Variants in MAPK14 observed in about 807,000 individuals in gnomAD.
MAPK14 encodes mitogen-activated protein kinase 14.
Under a neutral mutation model 49.6 loss-of-function variants are expected in MAPK14, and 16 were observed. That is an observed-to-expected ratio of 0.32 (90% CI 0.22 to 0.49). The LOEUF is 0.49. Among genes scored for constraint, MAPK14 ranks in the 20% least tolerant of loss-of-function variants. The pLI is 0.99. For missense variants in MAPK14, 200 were observed against 441.2 expected (o/e 0.45, Z 4.90); for synonymous variants, 142 against 158.0 (o/e 0.90, Z 0.76).
intron 1 of MAPK14, among the ~76,000 whole-genome samples, chr6:36,042,131 CTTG>C (rs1456420894): frequency 3.3e-5 from 5 of 152,178 alleles, no homozygotes; most frequent in African/African-American, 9.7e-5. Flanking sequence ...GGTTCTCATT[CTTG>C]TTGTGCTTCA....
intron 8 of MAPK14, among the ~76,000 whole-genome samples, chr6:36,083,616 C>T (rs1420796442): frequency 1.3e-5 from 2 of 152,202 alleles, no homozygotes; most frequent in Non-Finnish European, 2.9e-5. Flanking sequence ...TTAGGCTGAA[C>T]TCTGACTCAT....
chr6:36,063,823 T>C (rs1763928162), intron 3 of MAPK14, among the ~76,000 whole-genome samples: 1 of 152,188 alleles, frequency 6.6e-6, no homozygotes, highest in Admixed American at 6.5e-5. Context: ...AGGATGTGGT[T>C]GTACAGATGG....
intron 1 of MAPK14, among the ~76,000 whole-genome samples, chr6:36,044,395 C>T (rs1386067018): frequency 6.6e-6 from 1 of 151,728 alleles, no homozygotes; most frequent in East Asian, 2.0e-4. Context: ...GTCGTTTGTA[C>T]TTTAATACTC....
chr6:36,118,814 C>T, the MAPK14 span, among the ~76,000 whole-genome samples: 3 of 152,242 alleles, frequency 2.0e-5, no homozygotes, highest in South Asian at 2.1e-4. Context: ...GGCAAACAGC[C>T]GAGTGGCTGC....
intron 2 of MAPK14, among the ~76,000 whole-genome samples, chr6:36,057,449 A>G (rs749282932): frequency 3.3e-5 from 5 of 152,182 alleles, no homozygotes; most frequent in African/African-American, 1.2e-4. Flanking sequence ...AAGTGATTCT[A>G]TTTCCTTTGG....
chr6:36,111,719 G>C (rs1327746058), downstream of MAPK14, among the ~76,000 whole-genome samples: 4 of 152,148 alleles, frequency 2.6e-5, no homozygotes. Context: ...AGGTGTCCCA[G>C]GGTGGATTGT....
At chr6:36,050,615 A>G (rs1389526902) in intron 1 of MAPK14, among the ~76,000 whole-genome samples, 1 of 152,206 alleles carries the variant, frequency 6.6e-6, no homozygotes. Flanking sequence ...TAACTTTTCA[A>G]TGAATGATGG....
chr6:36,106,431 T>C (rs1765799974), intron 10 of MAPK14, among the ~76,000 whole-genome samples: 1 of 152,180 alleles, frequency 6.6e-6, no homozygotes, highest in African/African-American at 2.4e-5. Context: ...TTGCAGTGCA[T>C]GGCCCCTAAT....
At chr6:36,083,654 C>T (rs984793268) in intron 8 of MAPK14, among the ~76,000 whole-genome samples, 6 of 152,206 alleles carry the variant, frequency 3.9e-5, no homozygotes, top group Admixed American at 6.5e-5. Context: ...GGCCTCTCTG[C>T]GGGAATTTCA....
intron 9 of MAPK14, among the ~76,000 whole-genome samples, chr6:36,100,520 T>C (rs1765597498): frequency 6.6e-6 from 1 of 152,222 alleles, no homozygotes; most frequent in African/African-American, 2.4e-5. Context: ...TTAGTGCTTG[T>C]GAGGCGGTTT....
chr6:36,096,153 TG>T, intron 9 of MAPK14, 87 bp downstream of exon 9: 1 of 910,038 alleles, frequency 1.1e-6, no homozygotes, highest in Non-Finnish European at 1.8e-6. Context: ...TGGGTGTGTT[TG>T]TAAGCACACA....
the MAPK14 span, among the ~76,000 whole-genome samples, chr6:36,119,341 A>C: frequency 1.3e-5 from 2 of 152,228 alleles, no homozygotes; most frequent in African/African-American, 4.8e-5. Context: ...TAGAGCTTTC[A>C]TACATTGGCG....
intron 1 of MAPK14, among the ~76,000 whole-genome samples, chr6:36,034,604 C>T (rs1762665300): frequency 6.6e-6 from 1 of 152,202 alleles, no homozygotes; most frequent in South Asian, 2.1e-4. Flanking sequence ...CTATGGAAGT[C>T]ATGCAGCTGT....
chr6:36,030,667 A>G (rs1762505707), intron 1 of MAPK14, among the ~76,000 whole-genome samples: 1 of 147,036 alleles, frequency 6.8e-6, no homozygotes, highest in Non-Finnish European at 1.5e-5. Flanking sequence ...AGCCTGGGCG[A>G]AAGTGCGAGA....
At chr6:36,052,445 A>C (rs532641349) in intron 1 of MAPK14, among the ~76,000 whole-genome samples, 1 of 152,212 alleles carries the variant, frequency 6.6e-6, no homozygotes, top group Non-Finnish European at 1.5e-5. Flanking sequence ...AAATATTACT[A>C]TCTGGCCCTT....
chr6:36,085,576 A>G (rs1227721298), intron 8 of MAPK14, among the ~76,000 whole-genome samples: 1 of 152,198 alleles, frequency 6.6e-6, no homozygotes, highest in African/African-American at 2.4e-5. Context: ...AGACAAGGGC[A>G]TTACATAGTG....
chr6:36,124,150 C>CCCTTCCTTCCTTCCTTCCTTCCTT, the MAPK14 span, among the ~76,000 whole-genome samples: 13 of 28,900 alleles, frequency 4.5e-4, no homozygotes, highest in South Asian at 6.9e-3. Flanking sequence ...CTCCCTCCCT[C>CCCTTCCTTCCTTCCTTCCTTCCTT]CCTTCCTTCC....
At chr6:36,065,507 G>GGTGTGTGT (rs386358922) in intron 3 of MAPK14, among the ~76,000 whole-genome samples, 12,671 of 122,394 alleles carry the variant, frequency 0.1, 689 homozygotes, top group African/African-American at 0.13. Flanking sequence ...GGGCAGAAAA[G>GGTGTGTGT]GTGTGTGTGT....
chr6:36,099,518 T>C (rs1386431598), intron 9 of MAPK14, among the ~76,000 whole-genome samples: 1 of 152,220 alleles, frequency 6.6e-6, no homozygotes, highest in African/African-American at 2.4e-5. Context: ...GAGGAAATCA[T>C]GTGGCATGCT....
Sources: gnomAD v4.1 joint callset for allele counts (sites outside exome capture counted in the v4.1 genomes callset) on GRCh38, gnomAD v4.1.1 for gene constraint, MANE v1.5 for transcripts, NCBI Gene and HGNC (gene_info 2026-07-23, HGNC 2026-07-21) for gene names.